The following ANK1 variants were observed in gnomAD, a reference collection of about 807,000 sequenced individuals.
The protein encoded by ANK1 is ankyrin-1.
Under a neutral mutation model 210.4 loss-of-function variants are expected in ANK1, and 51 were observed. The observed-to-expected ratio is 0.24, with a 90% CI of 0.19 to 0.31. The LOEUF is 0.31. ANK1 is among the 10% of genes least tolerant of loss of function. The pLI is 1.00. For missense variants in ANK1, 2,051 were observed against 2,504.4 expected, an observed-to-expected ratio of 0.82 and a Z score of 3.86; for synonymous variants, 967 against 1,025.9, an observed-to-expected ratio of 0.94 and a Z score of 1.10.
intron 1 of ANK1, among the ~76,000 whole-genome samples, chr8:41,845,691 A>C (rs1009320648): frequency 6.6e-6 from 1 of 152,182 alleles, no homozygotes; most frequent in Non-Finnish European, 1.5e-5. Context: ...GCTCATTTGC[A>C]TAAACGTGCA....
chr8:41,778,765 T>C (rs975455159), intron 1 of ANK1, among the ~76,000 whole-genome samples: 2 of 152,184 alleles, frequency 1.3e-5, no homozygotes, highest in Non-Finnish European at 2.9e-5. Context: ...ACAAAGATTT[T>C]ATACAAAGAG....
chr8:41,740,919 A>G (rs1834634051), intron 2 of ANK1, among the ~76,000 whole-genome samples: 1 of 152,208 alleles, frequency 6.6e-6, no homozygotes, highest in African/African-American at 2.4e-5. Flanking sequence ...TCTTACAGGT[A>G]GGCTGGGCTG....
Position 41,690,467 on chromosome 8 carries a change from C to T in ANK1, c.3984+7G>A. The T allele has an allele frequency of 1.2e-6, 2 of 1,614,212 alleles. No homozygotes were observed. Among genetic ancestry groups the T allele is most frequent in the South Asian group, 2.2e-5 (2 of 91,080 alleles). ...CAGAGGAGAACTCAGCCAGAGGGTG[C>T]CGGCACCTTTACAGGCATGGCCAGA... On this transcript the variant is annotated splice_region_variant and intron_variant, in intron 32 of 42. Transcript: ENST00000289734.
At chr8:41,868,570 G>T (rs1814910956) in intron 1 of ANK1, among the ~76,000 whole-genome samples, 1 of 152,206 alleles carries the variant, frequency 6.6e-6, no homozygotes, top group South Asian at 2.1e-4. Flanking sequence ...TTTTGTAAAT[G>T]ATTTATAACT....
chr8:41,655,427 C>T lies in ANK1; in HGVS notation c.*363G>A. ...AAACCCCAAAACCAAAACCCATCCC[C>T]AGCCACAAAAAGCCCTCATTCACTT... On this transcript the variant is annotated 3_prime_UTR_variant, in exon 43 of 43. Coordinates refer to ENST00000289734, the MANE Select transcript of ANK1 (RefSeq NM_000037.4). 1 of 366,948 alleles carries T rather than the reference C, an allele frequency of 2.7e-6. No individual in the cohort carries two copies. The highest frequency in any genetic ancestry group is 4.9e-6 in the Non-Finnish European group (1 of 203,760). The allele number at this position is 366,948 out of a possible 1,614,324, so 22.7% of individuals were successfully genotyped here.
At chr8:41,860,481 T>G (rs764949092) in intron 1 of ANK1, among the ~76,000 whole-genome samples, 5 of 152,204 alleles carry the variant, frequency 3.3e-5, no homozygotes, top group Non-Finnish European at 5.9e-5. Context: ...GTGAATGCAC[T>G]CATGAGAGAT....
rs60356954 is a variant in ANK1 at position 41,730,288 on chromosome 8, T to A, written c.229-2282A>T. On this transcript the variant is annotated intron_variant, in intron 3 of 42. Transcript: ENST00000289734. ...TGGGAAGCAGCTCAGTTCTGTTTCTTGTACTCTGCCTGGTAATTCAAGCAT... is the reference window on the plus strand; with the variant it reads ...TGGGAAGCAGCTCAGTTCTGTTTCTAGTACTCTGCCTGGTAATTCAAGCAT... Among the ~76,000 whole-genome samples the A allele has an allele frequency of 4.6e-3, 703 of 152,266 alleles. 10 individuals are homozygous for A. The highest frequency in any genetic ancestry group is 0.016 in the African/African-American group (675 of 41,558).
chr8:41,718,133 C>A lies in ANK1; in HGVS notation c.1179G>T (p.Thr393=). 1.2e-6 allele frequency: 2 copies of A among 1,614,000 alleles called. No homozygotes were observed. Among genetic ancestry groups the A allele is most frequent in the Non-Finnish European group, 1.7e-6 (2 of 1,180,004 alleles). ...HVRVMELLLK[T]GASIDAVTES... ...CGGTGACCGCGTCGATCGAGGCTCCCGTCTTCAGCAGCAGCTCCATGACAC... is the reference window on the plus strand; with the variant it reads ...CGGTGACCGCGTCGATCGAGGCTCCAGTCTTCAGCAGCAGCTCCATGACAC... Residue 393 remains threonine (T), a synonymous_variant, in exon 11 of 43, where the codon ACG becomes ACT. Transcript: ENST00000289734.
chr8:41,761,570 C>T (rs889473739), intron 1 of ANK1, among the ~76,000 whole-genome samples: 2 of 152,154 alleles, frequency 1.3e-5, no homozygotes, highest in African/African-American at 2.4e-5. Flanking sequence ...TTTAGATCTC[C>T]AGCCTCCAGA....
At chr8:41,759,077 C>T (rs1231390244) in intron 1 of ANK1, among the ~76,000 whole-genome samples, 1 of 151,900 alleles carries the variant, frequency 6.6e-6, no homozygotes, top group Non-Finnish European at 1.5e-5. Context: ...GTCAAGTAAA[C>T]AGCACATAGC....
chr8:41,865,306 T>G (rs1273825656), intron 1 of ANK1, among the ~76,000 whole-genome samples: 1 of 152,232 alleles, frequency 6.6e-6, no homozygotes, highest in African/African-American at 2.4e-5. Flanking sequence ...CTCCCATTTC[T>G]GTTCCTAGCA....
intron 37 of ANK1, among the ~76,000 whole-genome samples, chr8:41,683,954 G>A (rs1300093323): frequency 6.6e-6 from 1 of 152,190 alleles, no homozygotes; most frequent in Non-Finnish European, 1.5e-5. Context: ...AGGGGAAGGA[G>A]ATGAGATGAT....
rs56359274 is a variant in ANK1, at chr8:41,820,327, ATGTGTGTGTGTGTGTGTGTG to A, written c.127-62210_127-62191del. On this transcript the variant is annotated intron_variant, in intron 1 of 42. Coordinates refer to the ANK1 transcript ENST00000265709. ...GGTGTCCACCACCACACCAAGCTAA[ATGTGTGTGTGTGTGTGTGTG>A]TGTGTGTGTGTGTGTGTGTGTGTGT... is the stretch of plus-strand genomic sequence containing the variant. 9.7e-3 allele frequency among the ~76,000 whole-genome samples: 1,391 copies of A among 142,922 alleles called. 25 individuals are homozygous for A. The highest frequency in any genetic ancestry group is 0.029 in the African/African-American group (1,114 of 37,772). The allele number at this position is 142,922 out of a possible 152,430, so 93.8% of individuals were successfully genotyped here. A position where few individuals can be genotyped will look rare whatever the true frequency, so the allele number is the denominator to read the frequency against.
chr8:41,852,010 A>G (rs527343370), intron 1 of ANK1, among the ~76,000 whole-genome samples: 1 of 152,364 alleles, frequency 6.6e-6, no homozygotes, highest in Admixed American at 6.5e-5. Flanking sequence ...ATGTTCAGAC[A>G]TCACCATGCC....
At chr8:41,843,394 T>G (rs1458431011) in intron 1 of ANK1, among the ~76,000 whole-genome samples, 1 of 151,616 alleles carries the variant, frequency 6.6e-6, no homozygotes, top group African/African-American at 2.4e-5. Flanking sequence ...TTCTCTTCAT[T>G]TCCCCCCCAC....
intron 7 of ANK1, 46 bp downstream of exon 7, chr8:41,724,410 A>G: frequency 6.7e-7 from 1 of 1,493,322 alleles, no homozygotes; most frequent in Non-Finnish European, 9.1e-7. Context: ...AGCAACTGCC[A>G]GCCCCAAGCC....
At chr8:41,758,621 C>T (rs1563685923) in intron 1 of ANK1, among the ~76,000 whole-genome samples, 1 of 151,948 alleles carries the variant, frequency 6.6e-6, no homozygotes, top group Admixed American at 6.5e-5. Context: ...GGATTACAGG[C>T]ATGAGCCACC....
Position 41,694,947 on chromosome 8 carries a change from G to T in ANK1, c.3116-144C>A. 1 of 1,072,842 alleles carries T rather than the reference G, an allele frequency of 9.3e-7. No individual in the cohort carries two copies. Among genetic ancestry groups the T allele is most frequent in the Non-Finnish European group, 1.4e-6 (1 of 714,182 alleles). 66.5% of individuals were successfully genotyped at this position (1,072,842 alleles called of 1,614,324 possible). ...GGCGGCATAGTGGCCAGAAGAAGTG[G>T]CCAGAAGAAGTGCCCAGGCCCAGAG... On this transcript the variant is annotated intron_variant, in intron 27 of 42. Transcript: ENST00000289734. This position sits in a 1 kb window ranked among gnomAD's most constrained non-coding sequence, Gnocchi z 5.7.
At chr8:41,864,310 T>C (rs1239529567) in intron 1 of ANK1, among the ~76,000 whole-genome samples, 2 of 151,918 alleles carry the variant, frequency 1.3e-5, no homozygotes, top group African/African-American at 4.8e-5. Flanking sequence ...TGGAAAATTA[T>C]TTCTCCCATT....
Sources: allele counts gnomAD v4.1 joint callset (sites outside exome capture counted in the v4.1 genomes callset), GRCh38; gene constraint gnomAD v4.1.1; non-coding constraint Gnocchi (gnomAD v3.1); transcripts MANE v1.5; gene names NCBI Gene and HGNC (gene_info 2026-07-23, HGNC 2026-07-21).